SPTBN1: variants seen among roughly 807,000 people sequenced by gnomAD.
The protein encoded by SPTBN1 is spectrin beta chain, non-erythrocytic 1.
In SPTBN1, 32 loss-of-function variants were observed where a neutral mutation model predicts 266.4. The observed-to-expected ratio is 0.12, with a 90% CI of 0.09 to 0.16. The LOEUF is 0.16. SPTBN1 is among the 10% of genes least tolerant of loss of function. The pLI is 1.00. For missense variants in SPTBN1, 2,296 were observed against 3,067.1 expected (o/e 0.75, Z 5.94); for synonymous variants, 1,336 against 1,162.2 (o/e 1.15, Z -3.04).
At chr2:54,642,278 C>T (rs1311415804) in intron 18 of SPTBN1, among the ~76,000 whole-genome samples, 1 of 152,142 alleles carries the variant, frequency 6.6e-6, no homozygotes, top group Non-Finnish European at 1.5e-5. Context: ...AGCCTTTGTG[C>T]GGCTCTCTAG....
chr2:54,569,412 AAAAG>A (rs1673903521), intron 2 of SPTBN1, among the ~76,000 whole-genome samples: 1 of 152,208 alleles, frequency 6.6e-6, no homozygotes, highest in Non-Finnish European at 1.5e-5. Flanking sequence ...TGACGCCCTG[AAAAG>A]AAAGAAAAGT....
At chr2:54,501,169 G>A (rs1669246604) in intron 1 of SPTBN1, among the ~76,000 whole-genome samples, 1 of 152,200 alleles carries the variant, frequency 6.6e-6, no homozygotes, top group Admixed American at 6.5e-5. Flanking sequence ...GGGGTCCCCA[G>A]TGAGGAGGAA....
At chr2:54,604,049 T>G (rs1028622154) in intron 3 of SPTBN1, among the ~76,000 whole-genome samples, 1 of 152,120 alleles carries the variant, frequency 6.6e-6, no homozygotes, top group South Asian at 2.1e-4. Context: ...GTAGATATGG[T>G]AAGTCAGGGA....
intron 11 of SPTBN1, 78 bp from the exon 12 acceptor site, chr2:54,625,854 G>A: frequency 6.7e-7 from 1 of 1,493,010 alleles, no homozygotes; most frequent in Admixed American, 2.0e-5. Flanking sequence ...GCCTCCCAAA[G>A]TGCTGGGATT....
intron 2 of SPTBN1, among the ~76,000 whole-genome samples, chr2:54,550,264 A>AT (rs1020284811): frequency 2.6e-5 from 4 of 152,176 alleles, no homozygotes; most frequent in Admixed American, 2.6e-4. Flanking sequence ...CTGTCCATGA[A>AT]TTATTCAGGG....
At chr2:54,524,919 A>G (rs1366718687) in intron 1 of SPTBN1, among the ~76,000 whole-genome samples, 1 of 151,786 alleles carries the variant, frequency 6.6e-6, no homozygotes, top group Non-Finnish European at 1.5e-5. Context: ...TGATCACCAG[A>G]TCTAAAAATA....
In SPTBN1 at chr2:54,657,258, A is replaced by G. The variant is rs548077232; in HGVS notation, c.6047-592A>G. 5.3e-5 allele frequency among the ~76,000 whole-genome samples: 8 copies of G among 151,966 alleles called. No individual in the cohort carries two copies. In the South Asian group the frequency reaches 1.7e-3, roughly 32 times the overall value. On this transcript the variant is annotated intron_variant, in intron 29 of 35. Transcript: ENST00000356805. Reference sequence around the variant, plus strand: ...TTCCCATATCCTTCCCTCCCTCTAAACCCCCCAAAATAAAACACACAACTA... The same window carrying G: ...TTCCCATATCCTTCCCTCCCTCTAAGCCCCCCAAAATAAAACACACAACTA...
intron 2 of SPTBN1, among the ~76,000 whole-genome samples, chr2:54,543,072 C>T (rs1265374755): frequency 6.6e-6 from 1 of 152,032 alleles, no homozygotes; most frequent in Non-Finnish European, 1.5e-5. Flanking sequence ...CCTGAATGTT[C>T]CTGGGTTTGG....
intron 2 of SPTBN1, among the ~76,000 whole-genome samples, chr2:54,597,714 C>G (rs1676186626): frequency 6.6e-6 from 1 of 152,158 alleles, no homozygotes; most frequent in Non-Finnish European, 1.5e-5. Flanking sequence ...CAGACCTTCC[C>G]AGGGTGTTGG....
chr2:54,476,947 CTT>C (rs1414729666), intron 1 of SPTBN1, among the ~76,000 whole-genome samples: 1 of 151,980 alleles, frequency 6.6e-6, no homozygotes, highest in Non-Finnish European at 1.5e-5. Flanking sequence ...GGTAAATAAA[CTT>C]TGACCACATA....
intron 9 of SPTBN1, among the ~76,000 whole-genome samples, chr2:54,622,727 G>A (rs909643126): frequency 6.6e-6 from 1 of 152,066 alleles, no homozygotes; most frequent in African/African-American, 2.4e-5. Context: ...TCCAAGAAAT[G>A]GTACAAGTCC....
Position 54,669,985 on chromosome 2 carries a change from A to C in SPTBN1, c.*1416A>C, listed in dbSNP as rs1047880392. 3 of 152,226 alleles carry C rather than the reference A, an allele frequency of 2.0e-5. No homozygotes were observed. The highest frequency in any genetic ancestry group is 7.2e-5 in the African/African-American group (3 of 41,466). The allele number at this position is 152,226 out of a possible 1,614,324, so 9.4% of individuals were successfully genotyped here. A position where few individuals can be genotyped will look rare whatever the true frequency, so the allele number is the denominator to read the frequency against. ...AAGGGACAGAGATAGTAAATATTTT[A>C]GGCTTTGTAGGCCGTAACTGTCTCT... is the stretch of plus-strand genomic sequence containing the variant. On this transcript the variant is annotated 3_prime_UTR_variant, in exon 36 of 36. Coordinates refer to ENST00000356805, the MANE Select transcript of SPTBN1 (RefSeq NM_003128.3).
chr2:54,660,745 C>G (rs1680978340), intron 32 of SPTBN1: 2 of 985,378 alleles, frequency 2.0e-6, no homozygotes, highest in Non-Finnish European at 2.4e-6. Context: ...GAATTGAAAA[C>G]TGTAGGCTTC....
chr2:54,465,024 A>G (rs1356416505), intron 1 of SPTBN1, among the ~76,000 whole-genome samples: 1 of 152,218 alleles, frequency 6.6e-6, no homozygotes, highest in Non-Finnish European at 1.5e-5. Context: ...CAAAAAAGCA[A>G]TCAACACTTT....
rs13035416 is a variant in SPTBN1 at position 54,461,727 on chromosome 2, G to A, written c.-48+5209G>A. On this transcript the variant is annotated intron_variant, in intron 1 of 35. Coordinates refer to ENST00000356805, the MANE Select transcript of SPTBN1 (RefSeq NM_003128.3). Reference sequence around the variant, plus strand: ...ACATTATTAACCATTTGGGTTCTTCGTTTTGTGAAGTACCTGTTCAGTCTT... The same window carrying A: ...ACATTATTAACCATTTGGGTTCTTCATTTTGTGAAGTACCTGTTCAGTCTT... 7.2e-5 allele frequency among the ~76,000 whole-genome samples: 11 copies of A among 151,978 alleles called. No homozygotes were observed. The East Asian group carries it at 1.5e-3, about 21-fold the overall frequency.
intron 5 of SPTBN1, 53 bp downstream of exon 5, chr2:54,616,351 A>C: frequency 6.6e-7 from 1 of 1,515,088 alleles, no homozygotes. Context: ...ACTGAATTCC[A>C]CTGCAGTCAT....
chr2:54,580,699 G>A (rs1307298857), intron 2 of SPTBN1, among the ~76,000 whole-genome samples: 1 of 152,068 alleles, frequency 6.6e-6, no homozygotes, highest in East Asian at 1.9e-4. Flanking sequence ...AAAGGGTTAG[G>A]GTTTCTACTG....
At chr2:54,598,331 A>G (rs932580045) in intron 2 of SPTBN1, among the ~76,000 whole-genome samples, 7 of 152,298 alleles carry the variant, frequency 4.6e-5, no homozygotes, top group African/African-American at 7.2e-5. Context: ...TTCTCCTTTT[A>G]TAGAAGAGAA....
At chr2:54,539,543 G>A (rs1043992572) in intron 2 of SPTBN1, among the ~76,000 whole-genome samples, 14 of 152,002 alleles carry the variant, frequency 9.2e-5, no homozygotes, top group African/African-American at 3.1e-4. Flanking sequence ...GATATTTTCT[G>A]TGTACTTTTT....
Sources: gnomAD v4.1 joint callset for allele counts (sites outside exome capture counted in the v4.1 genomes callset) on GRCh38, gnomAD v4.1.1 for gene constraint, MANE v1.5 for transcripts, NCBI Gene and HGNC (gene_info 2026-07-23, HGNC 2026-07-21) for gene names.